Variants in PPP3CC observed in about 807,000 individuals in gnomAD.
The protein encoded by PPP3CC is protein phosphatase 3 catalytic subunit gamma, also known as serine/threonine-protein phosphatase 2B catalytic subunit gamma isoform.
In PPP3CC, 35 loss-of-function variants were observed where a neutral mutation model predicts 60.3. That is an observed-to-expected ratio of 0.58 (90% confidence interval 0.44 to 0.77). PPP3CC has a LOEUF of 0.77. Among genes scored for constraint, PPP3CC ranks in the 30% least tolerant of loss-of-function variants. PPP3CC has a pLI of 0.00. For missense variants in PPP3CC, 570 were observed against 628.9 expected, an observed-to-expected ratio of 0.91 and a Z score of 1.00; for synonymous variants, 206 against 224.3, an observed-to-expected ratio of 0.92 and a Z score of 0.73.
chr8:22,477,343 G>C (rs1203141092), intron 3 of PPP3CC, among the ~76,000 whole-genome samples: 1 of 152,104 alleles, frequency 6.6e-6, no homozygotes, highest in Non-Finnish European at 1.5e-5. Flanking sequence ...CAGGCATGGT[G>C]GTGGGCGCCT....
intron 3 of PPP3CC, among the ~76,000 whole-genome samples, chr8:22,477,702 G>C (rs1004913926): frequency 6.6e-6 from 1 of 151,560 alleles, no homozygotes; most frequent in Non-Finnish European, 1.5e-5. Flanking sequence ...ACACAGGTGC[G>C]ATCATTTCGT....
At chr8:22,538,363 A>G (rs765411156) in intron 12 of PPP3CC, among the ~76,000 whole-genome samples, 4 of 152,244 alleles carry the variant, frequency 2.6e-5, no homozygotes, top group Non-Finnish European at 4.4e-5. Context: ...GTTCTACTTA[A>G]GGAGATTAGA....
intron 3 of PPP3CC, among the ~76,000 whole-genome samples, chr8:22,496,184 A>G (rs949534153): frequency 2.0e-5 from 3 of 151,730 alleles, no homozygotes; most frequent in Non-Finnish European, 4.4e-5. Flanking sequence ...TTTATTATTT[A>G]CCAAATTTTT....
At chr8:22,449,198 C>T (rs1836929384) in intron 1 of PPP3CC, among the ~76,000 whole-genome samples, 1 of 152,062 alleles carries the variant, frequency 6.6e-6, no homozygotes, top group Admixed American at 6.6e-5. Context: ...CCTGTAATCC[C>T]AGTACTTTGG....
In PPP3CC at chr8:22,475,586, C is replaced by G; in HGVS notation, c.334C>G (p.Leu112Val). The G allele has an allele frequency of 6.2e-7, 1 of 1,613,388 alleles. No homozygotes were observed. The highest frequency in any genetic ancestry group is 8.5e-7 in the Non-Finnish European group (1 of 1,179,494). ...GSPSNTRYLFLGDYVDRGYFS... is the reference protein window; with the variant it reads ...GSPSNTRYLFVGDYVDRGYFS... ...ACCTAGTAACACACGCTACCTCTTT[C>G]TGGGTGACTATGTGGACAGAGGCTA... Residue 112 changes from leucine (L) to valine (V), a missense_variant, in exon 3 of 14, where the codon CTG becomes GTG. Physicochemically the swap from Leu to Val is conservative, Grantham distance 32. Transcript: ENST00000240139.
At chr8:22,449,973 T>C (rs1350949952) in intron 1 of PPP3CC, among the ~76,000 whole-genome samples, 1 of 151,760 alleles carries the variant, frequency 6.6e-6, no homozygotes, top group African/African-American at 2.4e-5. Context: ...TTCAAGTGAT[T>C]ATCCTGCCTC....
intron 6 of PPP3CC, among the ~76,000 whole-genome samples, chr8:22,515,088 T>G (rs1369019944): frequency 6.6e-6 from 1 of 152,206 alleles, no homozygotes; most frequent in Non-Finnish European, 1.5e-5. Context: ...TCTGACTGTT[T>G]TTTTCGACCC....
At chr8:22,540,037 C>T (rs955135583) in intron 13 of PPP3CC, among the ~76,000 whole-genome samples, 4 of 152,132 alleles carry the variant, frequency 2.6e-5, no homozygotes, top group African/African-American at 9.7e-5. Flanking sequence ...GTTCAAAACG[C>T]GAATGCCTTA....
rs1839402418 is a variant in PPP3CC at position 22,521,428 on chromosome 8, AG to A, written c.771-1061del. On this transcript the variant is annotated intron_variant, in intron 6 of 13. Coordinates refer to ENST00000240139, the MANE Select transcript of PPP3CC (RefSeq NM_005605.5). ...GACTGGAGCCGGGTTTACAAGGGAC[AG>A]GCTGATTCTGGGTCTGTAGCTGAAA... Among the ~76,000 whole-genome samples the A allele has an allele frequency of 3.3e-5, 5 of 152,176 alleles. No homozygotes were observed. The South Asian group carries it at 8.3e-4, about 25-fold the overall frequency.
At chr8:22,482,150 A>G (rs1838088495) in intron 3 of PPP3CC, among the ~76,000 whole-genome samples, 1 of 152,200 alleles carries the variant, frequency 6.6e-6, no homozygotes, top group Non-Finnish European at 1.5e-5. Context: ...ACTCCCACCA[A>G]CAGTGTAAAA....
chr8:22,516,588 G>A (rs115732779), intron 6 of PPP3CC, among the ~76,000 whole-genome samples: 469 of 152,360 alleles, frequency 3.1e-3, no homozygotes, highest in African/African-American at 0.011. Context: ...TCATGGGAAT[G>A]TAGTGTGCAA....
intron 4 of PPP3CC, among the ~76,000 whole-genome samples, chr8:22,507,034 T>C (rs1268506250): frequency 6.6e-6 from 1 of 152,044 alleles, no homozygotes; most frequent in Non-Finnish European, 1.5e-5. Context: ...TGGGAGGATC[T>C]CTTGAGGCCA....
intron 3 of PPP3CC, among the ~76,000 whole-genome samples, chr8:22,476,847 G>C (rs1357599081): frequency 1.3e-5 from 2 of 151,648 alleles, no homozygotes; most frequent in Admixed American, 6.6e-5. Flanking sequence ...CAGGAGAATG[G>C]CGTGAACCTG....
chr8:22,446,523 T>G, intron 1 of PPP3CC, among the ~76,000 whole-genome samples: 1 of 152,196 alleles, frequency 6.6e-6, no homozygotes, highest in South Asian at 2.1e-4. Flanking sequence ...GTAACATTTT[T>G]GGAAAAAGCT....
chr8:22,525,931 G>C (rs1053350888), intron 8 of PPP3CC, among the ~76,000 whole-genome samples: 2 of 149,998 alleles, frequency 1.3e-5, no homozygotes, highest in Non-Finnish European at 3.0e-5. Flanking sequence ...GCAGTGGTGC[G>C]GTCTTGGCTC....
intron 4 of PPP3CC, among the ~76,000 whole-genome samples, chr8:22,500,847 GT>G (rs1838740552): frequency 6.6e-6 from 1 of 152,126 alleles, no homozygotes; most frequent in Non-Finnish European, 1.5e-5. Context: ...TAAATCTACT[GT>G]TGGTGGATGT....
chr8:22,491,187 A>G lies in PPP3CC; in HGVS notation c.373-6814A>G, dbSNP rs989368827. ...CCATGATTTAATGTCTCTAGGTTTT[A>G]TGAACAAAATCGGATTGCCAGGAGA... On this transcript the variant is annotated intron_variant, in intron 3 of 13. Transcript: ENST00000240139. 2.6e-5 allele frequency among the ~76,000 whole-genome samples: 4 copies of G among 152,182 alleles called. No homozygotes were observed. The South Asian group carries it at 8.3e-4, about 32-fold the overall frequency.
At chr8:22,457,798 C>T (rs1234427592) in intron 1 of PPP3CC, among the ~76,000 whole-genome samples, 2 of 152,204 alleles carry the variant, frequency 1.3e-5, no homozygotes, top group East Asian at 3.8e-4. Context: ...ATGTGTTAAA[C>T]TTGTATATTT....
chr8:22,483,905 A>G (rs957388242), intron 3 of PPP3CC, among the ~76,000 whole-genome samples: 4 of 152,126 alleles, frequency 2.6e-5, no homozygotes, highest in Admixed American at 2.0e-4. Context: ...CAGTGGTGCA[A>G]TCATAGCTCA....
Sources: gnomAD v4.1 joint callset for allele counts (sites outside exome capture counted in the v4.1 genomes callset) on GRCh38, gnomAD v4.1.1 for gene constraint, MANE v1.5 for transcripts, NCBI Gene and HGNC (gene_info 2026-07-23, HGNC 2026-07-21) for gene names.